ULK1: variants seen among roughly 807,000 people sequenced by gnomAD.
ULK1 encodes the protein serine/threonine-protein kinase ULK1.
ULK1 carries 48 observed loss-of-function variants against 117.5 expected under a neutral mutation model. That is an observed-to-expected ratio of 0.41 (90% CI 0.32 to 0.52). The LOEUF (loss-of-function observed/expected upper bound fraction) is 0.52. Ranked by LOEUF, ULK1 falls within the 20% of genes least tolerant of loss-of-function variation. The probability of loss-of-function intolerance (pLI) is 0.29; values close to 1 mark genes in which losing one functional copy is unlikely to be tolerated. For missense variants in ULK1, 1,387 were observed against 1,473.4 expected, an observed-to-expected ratio of 0.94 and a Z score of 0.96; for synonymous variants, 790 against 637.8, an observed-to-expected ratio of 1.24 and a Z score of -3.60.
chr12:131,896,033 C>T (rs891830859), intron 3 of ULK1, among the ~76,000 whole-genome samples: 1 of 152,190 alleles, frequency 6.6e-6, no homozygotes, highest in Non-Finnish European at 1.5e-5. Context: ...GTGTCTGGGC[C>T]GCAGGGCGCC....
At chr12:131,909,031 T>A in intron 7 of ULK1, 60 bp downstream of exon 7, 1 of 1,611,836 alleles carries the variant, frequency 6.2e-7, no homozygotes, top group Non-Finnish European at 8.5e-7. Context: ...GCTGGTTGGT[T>A]GGCTGGCGTG....
chr12:131,913,109 C>A, intron 13 of ULK1, 89 bp from the exon 14 acceptor site: 2 of 1,279,106 alleles, frequency 1.6e-6, no homozygotes, highest in Non-Finnish European at 2.1e-6. Context: ...GTGGAGTGTG[C>A]GTGGGGATCC....
chr12:131,894,976 C>G lies in ULK1; in HGVS notation c.-26C>G, dbSNP rs754411678. On this transcript the variant is annotated 5_prime_UTR_variant, in exon 1 of 28. Transcript: ENST00000321867. Reference sequence around the variant, plus strand: ...CCGCGCCTTGGCCCGCCACCCCCCGCCCCGCGCCCCCGGCCCGCCTGCGCC... The same window carrying G: ...CCGCGCCTTGGCCCGCCACCCCCCGGCCCGCGCCCCCGGCCCGCCTGCGCC... 8.8e-6 allele frequency: 11 copies of G among 1,251,072 alleles called. No homozygotes were observed. The highest frequency in any genetic ancestry group is 1.1e-5 in the Non-Finnish European group (11 of 987,714). The allele number at this position is 1,251,072 out of a possible 1,614,324, so 77.5% of individuals were successfully genotyped here. A position where few individuals can be genotyped will look rare whatever the true frequency, so the allele number is the denominator to read the frequency against.
chr12:131,901,332 C>G (rs561069784), intron 3 of ULK1, among the ~76,000 whole-genome samples: 3 of 149,950 alleles, frequency 2.0e-5, no homozygotes, highest in East Asian at 3.9e-4. Flanking sequence ...GCACTCCAGC[C>G]TGGGTGACAG....
At chr12:131,896,619 C>G (rs538063787) in intron 3 of ULK1, 2 of 152,304 alleles carry the variant, frequency 1.3e-5, no homozygotes, top group Non-Finnish European at 2.9e-5. Flanking sequence ...CCTTGGGGAC[C>G]GAGGCTTGTC....
At chr12:131,917,102 G>GTTGGGT (rs754598832) in intron 21 of ULK1, 40 bp downstream of exon 21, 25 of 594,726 alleles carry the variant, frequency 4.2e-5, no homozygotes, top group Middle Eastern at 4.6e-4. Context: ...TGGGATGGGG[G>GTTGGGT]TCGGAGGCTG....
intron 13 of ULK1, 97 bp downstream of exon 13, chr12:131,912,186 T>C: frequency 6.8e-7 from 1 of 1,475,242 alleles, no homozygotes. Flanking sequence ...CATTTCCACT[T>C]ATGGGCAGTT....
Position 131,915,236 on chromosome 12 carries a change from G to T in ULK1, c.1522+5G>T. On this transcript the variant is annotated splice_donor_5th_base_variant and intron_variant, in intron 17 of 27. Coordinates refer to ENST00000321867, the MANE Select transcript of ULK1 (RefSeq NM_003565.4). ...CCTACACGCCATCTCCTCAAGGTGC[G>T]CCTGCAGGCTGGGGCCTGGGAAGGG... 6.2e-7 allele frequency: 1 copy of T among 1,603,018 alleles called. No homozygotes were observed. The highest frequency in any genetic ancestry group is 8.5e-7 in the Non-Finnish European group (1 of 1,174,998).
At chr12:131,901,355 C>CAA (rs199720837) in intron 3 of ULK1, among the ~76,000 whole-genome samples, 1 of 100,854 alleles carries the variant, frequency 9.9e-6, no homozygotes, top group Non-Finnish European at 2.2e-5. Context: ...AGACTCGTCT[C>CAA]AAAAAAAAAA....
rs115583182 is a variant in ULK1 at position 131,902,666 on chromosome 12, G to A, written c.247-4226G>A. On this transcript the variant is annotated intron_variant, in intron 3 of 27. Transcript: ENST00000321867. This position sits in a 1 kb window ranked among gnomAD's most constrained non-coding sequence, Gnocchi z 6.3. ...CCCTGTTTCCTCCCTTTAAATAGGC[G>A]GCAAGTTGGGACCCACCTCCCGGGG... 2.2e-4 allele frequency among the ~76,000 whole-genome samples: 33 copies of A among 152,188 alleles called. No individual in the cohort carries two copies. The highest frequency in any genetic ancestry group is 7.5e-4 in the African/African-American group (31 of 41,514).
At chr12:131,914,705 CT>C (rs1889695437) in intron 16 of ULK1, among the ~76,000 whole-genome samples, 1 of 152,220 alleles carries the variant, frequency 6.6e-6, no homozygotes, top group Admixed American at 6.5e-5. Context: ...TCAATATTGA[CT>C]TTGGCCAGTT....
intron 26 of ULK1, 168 bp downstream of exon 26, chr12:131,920,304 C>A (rs761250775): frequency 3.4e-6 from 3 of 878,742 alleles, no homozygotes; most frequent in Non-Finnish European, 5.1e-6. Flanking sequence ...TGCAGGCGCT[C>A]GCAGCTCGGC....
At chr12:131,905,553 A>T (rs986642881) in intron 3 of ULK1, among the ~76,000 whole-genome samples, 7 of 152,140 alleles carry the variant, frequency 4.6e-5, no homozygotes, top group African/African-American at 1.7e-4. Context: ...CACCTAGAGC[A>T]TGTGGATGTG....
At chr12:131,917,096 AT>A (rs1889835840) in intron 21 of ULK1, 34 bp downstream of exon 21, 4 of 1,232,826 alleles carry the variant, frequency 3.2e-6, no homozygotes, top group East Asian at 6.7e-5. Flanking sequence ...AGGCTGTGGG[AT>A]GGGGGTCGGA....
At position 131,916,974 on chromosome 12, in the gene ULK1, C is replaced by G; in HGVS notation, c.2094C>G (p.Leu698=). The part of the protein sequence containing the change: ...PFGRSFSTSR[L]TDLLLKAAFG... ...ACAGGTCTTTCAGCACCAGCCGCCT[C>G]ACTGACCTGCTCCTTAAGGCGGCGT... is the stretch of plus-strand genomic sequence containing the variant. The change falls in exon 21 of 28, where the codon CTC becomes CTG. Residue 698 remains leucine (L), a synonymous_variant. Coordinates refer to ENST00000321867, the MANE Select transcript of ULK1 (RefSeq NM_003565.4). 2 of 1,611,126 alleles carry G rather than the reference C, an allele frequency of 1.2e-6. No individual in the cohort carries two copies. Among genetic ancestry groups the G allele is most frequent in the Non-Finnish European group, 1.7e-6 (2 of 1,179,354 alleles).
chr12:131,921,455 G>C lies in ULK1; in HGVS notation c.*94G>C. ...CTCCTCGGGACAAGCCCATGGCGCT[G>C]ATCGCTGGTGCTGAGCCCTGCCCTG... On this transcript the variant is annotated 3_prime_UTR_variant, in exon 28 of 28. Transcript: ENST00000321867. The C allele has an allele frequency of 6.4e-7, 1 of 1,565,554 alleles. No individual in the cohort carries two copies. The highest frequency in any genetic ancestry group is 8.7e-7 in the Non-Finnish European group (1 of 1,153,148).
At position 131,894,960 on chromosome 12, in the gene ULK1, G is replaced by A. The variant is rs969358249; in HGVS notation, c.-42G>A. The A allele has an allele frequency of 5.9e-6, 4 of 681,348 alleles. No individual in the cohort carries two copies. The highest frequency in any genetic ancestry group is 3.7e-6 in the Non-Finnish European group (2 of 540,406). 42.2% of individuals were successfully genotyped at this position (681,348 alleles called of 1,614,324 possible). A position where few individuals can be genotyped will look rare whatever the true frequency, so the allele number is the denominator to read the frequency against. On this transcript the variant is annotated 5_prime_UTR_variant, in exon 1 of 28. Transcript: ENST00000321867. ...CCTCCGCCTGAGTCCCCCGCGCCTT[G>A]GCCCGCCACCCCCCGCCCCGCGCCC...
At position 131,910,211 on chromosome 12, in the gene ULK1, A is replaced by G. The variant is rs763898693; in HGVS notation, c.809-43A>G. ...TGGGGAGGCAGGGGCCTGGGGTCAG[A>G]GCTGGGGTCCTCCTGAGGCCTCACT... On this transcript the variant is annotated intron_variant, in intron 10 of 27. Transcript: ENST00000321867. The G allele has an allele frequency of 7.4e-6, 12 of 1,611,766 alleles. 1 individual carries two copies. The South Asian group carries it at 1.2e-4, about 16-fold the overall frequency.
chr12:131,920,339 T>C, intron 26 of ULK1: 1 of 635,048 alleles, frequency 1.6e-6, no homozygotes, highest in Non-Finnish European at 2.6e-6. Context: ...ATTGTACGGG[T>C]GCCGTGGCCC....
Sources: allele counts gnomAD v4.1 joint callset (sites outside exome capture counted in the v4.1 genomes callset), GRCh38; gene constraint gnomAD v4.1.1; non-coding constraint Gnocchi (gnomAD v3.1); transcripts MANE v1.5; gene names NCBI Gene and HGNC (gene_info 2026-07-23, HGNC 2026-07-21).